ATP10A: variants seen among roughly 807,000 people sequenced by gnomAD.
The protein encoded by ATP10A is phospholipid-transporting ATPase VA.
In ATP10A, 111 loss-of-function variants were observed where a neutral mutation model predicts 147.8. The ratio of observed to expected loss-of-function variants is 0.75; its 90% CI spans 0.64 to 0.88. ATP10A has a LOEUF of 0.88. Among genes scored for constraint, ATP10A ranks in the 40% least tolerant of loss-of-function variants. ATP10A has a pLI of 0.00. For synonymous variants in ATP10A, 875 were observed against 841.6 expected (o/e 1.04, Z -0.69); for missense variants, 1,927 against 1,959.0 (o/e 0.98, Z 0.31).
At chr15:25,732,950 A>G (rs971705824) in intron 3 of ATP10A, among the ~76,000 whole-genome samples, 3 of 152,080 alleles carry the variant, frequency 2.0e-5, no homozygotes, top group African/African-American at 4.8e-5. Flanking sequence ...TGATACCTCC[A>G]GGATTAGGAG....
intron 1 of ATP10A, among the ~76,000 whole-genome samples, chr15:25,796,919 T>C (rs949417270): frequency 2.0e-5 from 3 of 152,260 alleles, no homozygotes; most frequent in African/African-American, 4.8e-5. Context: ...CATGTTTTGA[T>C]ACATGTATAC....
chr15:25,858,371 T>C (rs970121004), intron 1 of ATP10A, among the ~76,000 whole-genome samples: 2 of 151,746 alleles, frequency 1.3e-5, no homozygotes, highest in African/African-American at 2.4e-5. Flanking sequence ...GAATATGCCA[T>C]GAAAGAGCCA....
chr15:25,679,725 T>C lies in ATP10A; in HGVS notation c.4116A>G (p.Thr1372=), dbSNP rs1414153771. 4 of 1,613,374 alleles carry C rather than the reference T, an allele frequency of 2.5e-6. No homozygotes were observed. Among genetic ancestry groups the C allele is most frequent in the Middle Eastern group, 1.7e-4 (1 of 6,050 alleles). The part of the protein sequence containing the change: ...CSLEASGEPS[T]VDMSMPVREH... ...CCCTCACTGGCATGCTCATGTCCAC[T>C]GTGCTGGGCTCCCCGCTGGCCTCCA... The change falls in exon 21 of 21, where the codon ACA becomes ACG. Residue 1372 remains threonine (T), a synonymous_variant. Coordinates refer to ENST00000555815, the MANE Select transcript of ATP10A (RefSeq NM_024490.4).
chr15:25,777,636 T>G (rs1889678902), intron 2 of ATP10A, among the ~76,000 whole-genome samples: 1 of 152,062 alleles, frequency 6.6e-6, no homozygotes, highest in Non-Finnish European at 1.5e-5. Context: ...ATAGGGTCTC[T>G]GTCCCCCAGG....
At chr15:25,763,470 G>C (rs1225444251) in intron 2 of ATP10A, among the ~76,000 whole-genome samples, 1 of 152,198 alleles carries the variant, frequency 6.6e-6, no homozygotes, top group African/African-American at 2.4e-5. Context: ...TGGGCTCCCA[G>C]AAGGATGCCT....
At chr15:25,692,004 C>T (rs573316106) in intron 14 of ATP10A, among the ~76,000 whole-genome samples, 4 of 152,214 alleles carry the variant, frequency 2.6e-5, no homozygotes, top group African/African-American at 9.6e-5. Context: ...TTTCGGAAAG[C>T]GGGCTGGAGC....
intron 12 of ATP10A, among the ~76,000 whole-genome samples, chr15:25,705,515 T>C (rs1900941475): frequency 7.2e-6 from 1 of 139,786 alleles, no homozygotes; most frequent in Non-Finnish European, 1.5e-5. Flanking sequence ...ATAGTAAAAA[T>C]ATAAGTGGCT....
At chr15:25,705,378 A>C (rs1171340287) in intron 12 of ATP10A, among the ~76,000 whole-genome samples, 1 of 149,182 alleles carries the variant, frequency 6.7e-6, no homozygotes, top group Non-Finnish European at 1.5e-5. Context: ...TGAGCTCACA[A>C]TGTGCTGTGA....
chr15:25,675,581 TGGGA>T (rs1482250822), downstream of ATP10A, among the ~76,000 whole-genome samples: 2 of 145,084 alleles, frequency 1.4e-5, no homozygotes, highest in Non-Finnish European at 3.0e-5. Flanking sequence ...CCCCAGGGGC[TGGGA>T]GGGAGGGAGC....
At chr15:25,856,004 T>C (rs1389940962) in intron 1 of ATP10A, among the ~76,000 whole-genome samples, 1 of 152,212 alleles carries the variant, frequency 6.6e-6, no homozygotes, top group Non-Finnish European at 1.5e-5. Context: ...CAGTTAAATG[T>C]TAAAATTAAA....
chr15:25,830,573 C>T (rs1237617505), intron 1 of ATP10A, among the ~76,000 whole-genome samples: 1 of 151,972 alleles, frequency 6.6e-6, no homozygotes, highest in Non-Finnish European at 1.5e-5. Flanking sequence ...GACCCAGACC[C>T]TTTCTCTCCG....
chr15:25,848,989 C>T (rs904477255), intron 1 of ATP10A, among the ~76,000 whole-genome samples: 18 of 152,124 alleles, frequency 1.2e-4, no homozygotes, highest in South Asian at 6.2e-4. Flanking sequence ...CCACACCTAC[C>T]GCTGTGGGAG....
At chr15:25,850,014 C>T (rs1893210347) in intron 1 of ATP10A, among the ~76,000 whole-genome samples, 1 of 152,066 alleles carries the variant, frequency 6.6e-6, no homozygotes, top group Non-Finnish European at 1.5e-5. Flanking sequence ...TAGGTTTCTA[C>T]CAATTAATTA....
In ATP10A at chr15:25,718,297, C is replaced by A; in HGVS notation, c.1466G>T (p.Ser489Ile). The change falls in exon 8 of 21, where the codon AGT becomes ATT. Residue 489 changes from serine to isoleucine, a missense_variant. Ser to Ile is a moderately radical substitution (Grantham distance 142, BLOSUM62 -2). Coordinates refer to ENST00000555815, the MANE Select transcript of ATP10A (RefSeq NM_024490.4). ...CTGGGTTCTGTGCACCACCCGGACA[C>A]TCTGGTGGCTGCCGATGCTGCCGCG... is the stretch of plus-strand genomic sequence containing the variant. Reference protein sequence around the residue: ...SQRGSIGSHQSVRVVHRTQST... With the variant: ...SQRGSIGSHQIVRVVHRTQST... The A allele has an allele frequency of 6.2e-7, 1 of 1,611,944 alleles. No individual in the cohort carries two copies. The highest frequency in any genetic ancestry group is 8.5e-7 in the Non-Finnish European group (1 of 1,179,872).
chr15:25,688,001 C>T (rs895776701), intron 15 of ATP10A, 173 bp from the exon 16 acceptor site: 4 of 797,906 alleles, frequency 5.0e-6, no homozygotes, highest in Admixed American at 2.1e-5. Context: ...CATCTCCTTC[C>T]GTTACAAAAG....
chr15:25,784,491 C>A (rs1596880630), intron 1 of ATP10A, among the ~76,000 whole-genome samples: 1 of 152,232 alleles, frequency 6.6e-6, no homozygotes. Context: ...GGCATCTGGG[C>A]TCTGAAGGAG....
intron 3 of ATP10A, among the ~76,000 whole-genome samples, chr15:25,730,858 T>C (rs945173541): frequency 1.3e-5 from 2 of 152,230 alleles, no homozygotes; most frequent in African/African-American, 4.8e-5. Context: ...CCAGACTGTT[T>C]TGTGCTGATG....
At chr15:25,700,530 C>T (rs1900601600) in intron 13 of ATP10A, among the ~76,000 whole-genome samples, 1 of 152,162 alleles carries the variant, frequency 6.6e-6, no homozygotes, top group Admixed American at 6.5e-5. Context: ...TGCAACAGCT[C>T]AGGTGAATCT....
intron 16 of ATP10A, among the ~76,000 whole-genome samples, chr15:25,686,254 C>T (rs1338554142): frequency 4.3e-5 from 2 of 46,116 alleles, no homozygotes; most frequent in South Asian, 8.3e-4. Context: ...GTGTAGCCTC[C>T]AGAAAAACAA....
Sources: gnomAD v4.1 joint callset for allele counts (sites outside exome capture counted in the v4.1 genomes callset) on GRCh38, gnomAD v4.1.1 for gene constraint, MANE v1.5 for transcripts, NCBI Gene and HGNC (gene_info 2026-07-23, HGNC 2026-07-21) for gene names.